The following ADAM12 variants were observed in gnomAD, a reference collection of about 807,000 sequenced individuals.
ADAM12 encodes disintegrin and metalloproteinase domain-containing protein 12.
A neutral mutation model predicts 106.4 loss-of-function variants in ADAM12; 70 were observed. The observed-to-expected ratio is 0.66, with a 90% CI of 0.54 to 0.80. The LOEUF is 0.80. Ranked by LOEUF, ADAM12 falls within the 30% of genes least tolerant of loss-of-function variation. ADAM12 has a pLI of 0.00. For missense variants in ADAM12, 1,010 were observed against 1,171.9 expected, an observed-to-expected ratio of 0.86 and a Z score of 2.02; for synonymous variants, 420 against 433.5, an observed-to-expected ratio of 0.97 and a Z score of 0.39.
chr10:126,221,683 C>G (rs949865793), intron 3 of ADAM12, among the ~76,000 whole-genome samples: 2 of 152,258 alleles, frequency 1.3e-5, no homozygotes, highest in Admixed American at 1.3e-4. Context: ...CATCCAACAC[C>G]GAGGAGACAG....
intron 1 of ADAM12, among the ~76,000 whole-genome samples, chr10:126,334,355 A>G (rs1854621707): frequency 6.6e-6 from 1 of 152,252 alleles, no homozygotes; most frequent in African/African-American, 2.4e-5. Flanking sequence ...TGGATAGATT[A>G]TACTGGGCAG....
intron 3 of ADAM12, among the ~76,000 whole-genome samples, chr10:126,269,009 G>A (rs544027487): frequency 1.2e-4 from 19 of 152,258 alleles, no homozygotes; most frequent in Non-Finnish European, 1.8e-4. Context: ...CCCGAGAACC[G>A]CTGGTTATCC....
chr10:126,310,236 A>G (rs1455319542), intron 2 of ADAM12, among the ~76,000 whole-genome samples: 1 of 152,048 alleles, frequency 6.6e-6, no homozygotes, highest in Non-Finnish European at 1.5e-5. Context: ...AGTAAAAAAC[A>G]AGCAGACAGA....
At position 126,155,947 on chromosome 10, in the gene ADAM12, G is replaced by A. The variant is rs930144335; in HGVS notation, c.261-642C>T. On this transcript the variant is annotated intron_variant, in intron 3 of 22. Coordinates refer to ENST00000448723, the MANE Select transcript of ADAM12 (RefSeq NM_001288973.2). Reference sequence around the variant, plus strand: ...TAAATTGAAAGGGGGAGGAAACCCCGTTTATGCTATTAATAAAACTGTATG... The same window carrying A: ...TAAATTGAAAGGGGGAGGAAACCCCATTTATGCTATTAATAAAACTGTATG... Among the ~76,000 whole-genome samples the A allele has an allele frequency of 8.2e-4, 98 of 119,644 alleles. 1 individual carries two copies. Among genetic ancestry groups the A allele is most frequent in the Admixed American group, 5.0e-3 (59 of 11,758 alleles). The allele number at this position is 119,644 out of a possible 152,430, so 78.5% of individuals were successfully genotyped here. A position where few individuals can be genotyped will look rare whatever the true frequency, so the allele number is the denominator to read the frequency against.
chr10:126,295,429 T>G (rs1317405353), intron 2 of ADAM12, among the ~76,000 whole-genome samples: 1 of 152,226 alleles, frequency 6.6e-6, no homozygotes, highest in Non-Finnish European at 1.5e-5. Flanking sequence ...CTGCTCCTTT[T>G]GTCTAAGAAT....
chr10:126,040,511 C>A (rs1354834374), intron 18 of ADAM12, among the ~76,000 whole-genome samples: 1 of 152,138 alleles, frequency 6.6e-6, no homozygotes, highest in Non-Finnish European at 1.5e-5. Context: ...ACCCCATCCC[C>A]CACTAACAAG....
chr10:126,132,948 C>A (rs938641317), intron 5 of ADAM12, among the ~76,000 whole-genome samples: 2 of 152,088 alleles, frequency 1.3e-5, no homozygotes, highest in African/African-American at 4.8e-5. Flanking sequence ...GGCCCCTTAT[C>A]CCCCACAAGT....
intron 2 of ADAM12, among the ~76,000 whole-genome samples, chr10:126,327,886 T>C (rs1564735889): frequency 6.6e-6 from 1 of 152,174 alleles, no homozygotes; most frequent in Non-Finnish European, 1.5e-5. Context: ...GGAGGAGCCC[T>C]GTGGGAAATC....
intron 11 of ADAM12, among the ~76,000 whole-genome samples, chr10:126,088,366 C>T (rs751003042): frequency 6.6e-6 from 1 of 151,998 alleles, no homozygotes; most frequent in Non-Finnish European, 1.5e-5. Flanking sequence ...GCAAGCTTGT[C>T]CTGAGTCAGG....
At chr10:126,241,444 T>G (rs1195665352) in intron 3 of ADAM12, among the ~76,000 whole-genome samples, 1 of 152,240 alleles carries the variant, frequency 6.6e-6, no homozygotes, top group African/African-American at 2.4e-5. Flanking sequence ...TAAAAAAATA[T>G]GTCATTCAGT....
intron 5 of ADAM12, among the ~76,000 whole-genome samples, chr10:126,121,991 C>T (rs1276569822): frequency 1.3e-5 from 2 of 152,048 alleles, no homozygotes; most frequent in Non-Finnish European, 2.9e-5. Context: ...ATCTATCATG[C>T]TCAGGATACT....
chr10:126,363,811 G>A (rs192203927), intron 1 of ADAM12, among the ~76,000 whole-genome samples: 1 of 152,150 alleles, frequency 6.6e-6, no homozygotes, highest in Admixed American at 6.6e-5. Context: ...ACACATGAGC[G>A]AAAGATGGGT....
At chr10:126,259,244 C>A (rs1958952592) in intron 3 of ADAM12, among the ~76,000 whole-genome samples, 1 of 152,036 alleles carries the variant, frequency 6.6e-6, no homozygotes, top group African/African-American at 2.4e-5. Flanking sequence ...ATTCCCAGCT[C>A]AGTGCTCTCA....
chr10:126,303,217 G>C (rs1455591881), intron 2 of ADAM12, among the ~76,000 whole-genome samples: 1 of 152,206 alleles, frequency 6.6e-6, no homozygotes, highest in East Asian at 1.9e-4. Flanking sequence ...ATCACTGGGA[G>C]CTTTCAATCC....
intron 14 of ADAM12, among the ~76,000 whole-genome samples, chr10:126,060,336 G>C (rs987238067): frequency 1.3e-5 from 2 of 152,208 alleles, no homozygotes; most frequent in African/African-American, 4.8e-5. Context: ...GCTTCGTCCA[G>C]TCAGTGTTTG....
At chr10:126,119,257 T>A (rs1956042744) in intron 5 of ADAM12, among the ~76,000 whole-genome samples, 1 of 152,076 alleles carries the variant, frequency 6.6e-6, no homozygotes, top group Non-Finnish European at 1.5e-5. Flanking sequence ...TGGGTTTGAG[T>A]TCCAGTTTTT....
At chr10:126,326,757 G>A (rs1854317950) in intron 2 of ADAM12, among the ~76,000 whole-genome samples, 6 of 152,046 alleles carry the variant, frequency 3.9e-5, no homozygotes, top group East Asian at 1.9e-4. Flanking sequence ...CTCTCTACAC[G>A]CTCCCTCTTT....
At chr10:126,251,657 TA>T (rs1958762113) in intron 3 of ADAM12, among the ~76,000 whole-genome samples, 1 of 110,500 alleles carries the variant, frequency 9.0e-6, no homozygotes, top group Non-Finnish European at 1.9e-5. Flanking sequence ...ATGGGATGGA[TA>T]GGAAGGATGG....
At chr10:126,384,129 G>C (rs1781766027) in intron 1 of ADAM12, among the ~76,000 whole-genome samples, 1 of 152,204 alleles carries the variant, frequency 6.6e-6, no homozygotes, top group Admixed American at 6.5e-5. Flanking sequence ...AAAGGCAAAA[G>C]TCAACATCTA....
Sources: gnomAD v4.1 joint callset for allele counts (sites outside exome capture counted in the v4.1 genomes callset) on GRCh38, gnomAD v4.1.1 for gene constraint, MANE v1.5 for transcripts, NCBI Gene and HGNC (gene_info 2026-07-23, HGNC 2026-07-21) for gene names.